The following ERBB4 variants were observed in gnomAD, a reference collection of about 807,000 sequenced individuals.
ERBB4 encodes erb-b2 receptor tyrosine kinase 4, also known as receptor tyrosine-protein kinase erbB-4.
A neutral mutation model predicts 158.0 loss-of-function variants in ERBB4; 42 were observed. The observed-to-expected ratio is 0.27, with a 90% CI of 0.21 to 0.34. The LOEUF (loss-of-function observed/expected upper bound fraction) is 0.34. ERBB4 is among the 10% of genes least tolerant of loss of function. ERBB4 has a pLI of 1.00. For missense variants in ERBB4, 1,333 were observed against 1,624.1 expected, an observed-to-expected ratio of 0.82 and a Z score of 3.08; for synonymous variants, 583 against 558.7, an observed-to-expected ratio of 1.04 and a Z score of -0.61.
chr2:211,423,634 T>G (rs889719545), intron 23 of ERBB4, among the ~76,000 whole-genome samples: 41 of 152,130 alleles, frequency 2.7e-4, no homozygotes, highest in African/African-American at 9.6e-4. Flanking sequence ...TATAATCTTT[T>G]TAGCTCACTA....
chr2:211,441,381 T>C (rs2125453832), intron 20 of ERBB4, among the ~76,000 whole-genome samples: 1 of 152,246 alleles, frequency 6.6e-6, no homozygotes, highest in South Asian at 2.1e-4. Flanking sequence ...CTGCTGTCAC[T>C]ACAGGCTTCA....
At chr2:212,004,521 C>G (rs1417420039) in intron 2 of ERBB4, among the ~76,000 whole-genome samples, 2 of 152,176 alleles carry the variant, frequency 1.3e-5, no homozygotes, top group Admixed American at 6.6e-5. Context: ...TGCAATAAGT[C>G]TGCCAACTGA....
At chr2:211,949,626 T>C (rs995374588) in intron 2 of ERBB4, among the ~76,000 whole-genome samples, 1 of 152,222 alleles carries the variant, frequency 6.6e-6, no homozygotes, top group Non-Finnish European at 1.5e-5. Context: ...CTGCAGTGTA[T>C]GATCTAGTCA....
chr2:211,924,412 C>T (rs187868122), intron 3 of ERBB4, among the ~76,000 whole-genome samples: 17 of 152,198 alleles, frequency 1.1e-4, no homozygotes, highest in African/African-American at 4.1e-4. Context: ...GCCCAGACTT[C>T]ACCACTAAGC....
intron 1 of ERBB4, among the ~76,000 whole-genome samples, chr2:212,223,170 T>C (rs140403333): frequency 2.5e-3 from 382 of 151,418 alleles, no homozygotes; most frequent in Non-Finnish European, 4.1e-3. Flanking sequence ...ACATACTGTA[T>C]TTCTATTTGT....
chr2:212,206,631 A>G (rs1213120128), intron 1 of ERBB4, among the ~76,000 whole-genome samples: 3 of 105,728 alleles, frequency 2.8e-5, no homozygotes, highest in Non-Finnish European at 4.0e-5. Context: ...TCTTTTGCCC[A>G]GGCCAACTGC....
chr2:212,049,461 G>A (rs1441801884), intron 2 of ERBB4, among the ~76,000 whole-genome samples: 1 of 152,064 alleles, frequency 6.6e-6, no homozygotes, highest in Non-Finnish European at 1.5e-5. Context: ...GCTCTAATCT[G>A]TTATGAGTCG....
chr2:211,958,634 G>A (rs1181516793), intron 2 of ERBB4, among the ~76,000 whole-genome samples: 4 of 151,906 alleles, frequency 2.6e-5, no homozygotes, highest in South Asian at 2.1e-4. Flanking sequence ...CAACAAGATC[G>A]CTCTTATTCC....
At chr2:211,629,442 A>C (rs916311336) in intron 17 of ERBB4, among the ~76,000 whole-genome samples, 8 of 152,198 alleles carry the variant, frequency 5.3e-5, no homozygotes, top group African/African-American at 1.9e-4. Flanking sequence ...GGGTAGGAAG[A>C]ATCAATATCG....
At chr2:211,564,564 T>A (rs536580864) in intron 19 of ERBB4, among the ~76,000 whole-genome samples, 1 of 152,326 alleles carries the variant, frequency 6.6e-6, no homozygotes, top group East Asian at 1.9e-4. Flanking sequence ...CCTAGAATTT[T>A]ACACCTAGCA....
At chr2:211,384,086 A>C in intron 27 of ERBB4, 26 bp from the exon 28 acceptor site, 1 of 1,548,494 alleles carries the variant, frequency 6.5e-7, no homozygotes, top group Non-Finnish European at 8.9e-7. Context: ...AATATCAGCT[A>C]ACCTCTAGTT....
intron 3 of ERBB4, among the ~76,000 whole-genome samples, chr2:211,870,350 T>C (rs2078313286): frequency 6.6e-6 from 1 of 152,158 alleles, no homozygotes; most frequent in Non-Finnish European, 1.5e-5. Flanking sequence ...TTACCTTAGT[T>C]GTGGAATTGT....
intron 20 of ERBB4, among the ~76,000 whole-genome samples, chr2:211,560,911 A>T (rs1037030063): frequency 1.3e-5 from 2 of 152,172 alleles, no homozygotes; most frequent in South Asian, 2.1e-4. Flanking sequence ...TACATTATTT[A>T]AAAAAGGCCA....
At chr2:211,912,641 T>C (rs1250539039) in intron 3 of ERBB4, among the ~76,000 whole-genome samples, 1 of 152,208 alleles carries the variant, frequency 6.6e-6, no homozygotes, top group African/African-American at 2.4e-5. Flanking sequence ...CAAAATATTT[T>C]ACCCCAAAAT....
chr2:211,987,242 A>G (rs2081960506), intron 2 of ERBB4, among the ~76,000 whole-genome samples: 1 of 148,506 alleles, frequency 6.7e-6, no homozygotes, highest in South Asian at 2.1e-4. Flanking sequence ...AATCACTTGA[A>G]CCCAGGAGGT....
Position 212,538,745 on chromosome 2 carries a change from T to C in ERBB4, c.-215A>G. 1 of 396,308 alleles carries C rather than the reference T, an allele frequency of 2.5e-6. No individual in the cohort carries two copies. The highest frequency in any genetic ancestry group is 4.4e-6 in the Non-Finnish European group (1 of 229,046). The allele number at this position is 396,308 out of a possible 1,614,324, so 24.5% of individuals were successfully genotyped here. On this transcript the variant is annotated 5_prime_UTR_variant, in exon 1 of 28. Coordinates refer to ENST00000342788, the MANE Select transcript of ERBB4 (RefSeq NM_005235.3). ...CGAGGAGGGGGCGAGTGTGAGCGCG[T>C]GTGTGCGCGTGTGGGAGTGTGCTCG...
chr2:212,513,258 A>C (rs1362304556), intron 1 of ERBB4, among the ~76,000 whole-genome samples: 1 of 152,212 alleles, frequency 6.6e-6, no homozygotes, highest in Non-Finnish European at 1.5e-5. Flanking sequence ...AAATGAAATA[A>C]ATTGATTTGT....
chr2:211,572,412 T>G (rs1169107825), intron 19 of ERBB4, among the ~76,000 whole-genome samples: 1 of 152,174 alleles, frequency 6.6e-6, no homozygotes, highest in African/African-American at 2.4e-5. Flanking sequence ...TCTCCACCAT[T>G]TTCTACCAAT....
At chr2:211,865,002 C>T (rs2078168462) in intron 3 of ERBB4, among the ~76,000 whole-genome samples, 1 of 151,908 alleles carries the variant, frequency 6.6e-6, no homozygotes, top group African/African-American at 2.4e-5. Context: ...GAGAGTGAAA[C>T]TCTGTCTAAA....
Sources: allele counts gnomAD v4.1 joint callset (sites outside exome capture counted in the v4.1 genomes callset), GRCh38; gene constraint gnomAD v4.1.1; transcripts MANE v1.5; gene names NCBI Gene and HGNC (gene_info 2026-07-23, HGNC 2026-07-21).